RHOBTB3: variants seen among roughly 807,000 people sequenced by gnomAD.
RHOBTB3 encodes the protein Rho related BTB domain containing 3.
In RHOBTB3, 47 loss-of-function variants were observed where a neutral mutation model predicts 67.2. The observed-to-expected ratio is 0.70, with a 90% CI of 0.55 to 0.89. The LOEUF is 0.89. Among genes scored for constraint, RHOBTB3 ranks in the 40% least tolerant of loss-of-function variants. The pLI, the probability that RHOBTB3 is intolerant of heterozygous loss-of-function variation, is 0.00. For missense variants in RHOBTB3, 631 were observed against 750.0 expected, an observed-to-expected ratio of 0.84 and a Z score of 1.85; for synonymous variants, 273 against 274.2, an observed-to-expected ratio of 1.00 and a Z score of 0.04.
chr5:95,750,006 C>T (rs1745043714), intron 4 of RHOBTB3, among the ~76,000 whole-genome samples: 2 of 152,278 alleles, frequency 1.3e-5, no homozygotes, highest in African/African-American at 2.4e-5. Flanking sequence ...AAAGACGTGG[C>T]AGTTTCTTTT....
upstream of RHOBTB3, chr5:95,731,160 C>A (rs1160356721): frequency 9.9e-7 from 1 of 1,011,830 alleles, no homozygotes; most frequent in Non-Finnish European, 1.2e-6. Context: ...CGGGCGGCTC[C>A]TTTGTGTCCA....
At chr5:95,780,988 A>C (rs1290981062) in intron 9 of RHOBTB3, among the ~76,000 whole-genome samples, 2 of 152,216 alleles carry the variant, frequency 1.3e-5, no homozygotes, top group African/African-American at 4.8e-5. Flanking sequence ...TGAGATGTTT[A>C]GAATACCCAG....
intron 8 of RHOBTB3, chr5:95,769,356 CT>C: frequency 2.2e-6 from 1 of 460,140 alleles, no homozygotes; most frequent in South Asian, 1.7e-5. Flanking sequence ...TGCTACTGTA[CT>C]TGCACTCCCT....
chr5:95,791,329 G>A (rs1406359625), intron 11 of RHOBTB3, among the ~76,000 whole-genome samples: 1 of 152,028 alleles, frequency 6.6e-6, no homozygotes, highest in African/African-American at 2.4e-5. Context: ...CACAAACAGC[G>A]GTGCACAGGA....
At chr5:95,782,525 T>C (rs1335156661) in intron 9 of RHOBTB3, 1 of 152,340 alleles carries the variant, frequency 6.6e-6, no homozygotes, top group African/African-American at 2.4e-5. Context: ...GTGGTTAAAA[T>C]GGGCCGGATG....
At chr5:95,778,621 C>T (rs948750123) in intron 8 of RHOBTB3, among the ~76,000 whole-genome samples, 16 of 152,214 alleles carry the variant, frequency 1.1e-4, no homozygotes, top group Admixed American at 3.9e-4. Flanking sequence ...ATCTTAAATC[C>T]CTGTGCTTAA....
At chr5:95,780,122 A>T in intron 8 of RHOBTB3, 130 bp from the exon 9 acceptor site, 1 of 616,176 alleles carries the variant, frequency 1.6e-6, no homozygotes, top group Non-Finnish European at 2.8e-6. Context: ...GGTAGTTATC[A>T]CTCCCAAATT....
At chr5:95,752,098 T>C in intron 4 of RHOBTB3, 141 bp from the exon 5 acceptor site, 1 of 558,016 alleles carries the variant, frequency 1.8e-6, no homozygotes, top group Non-Finnish European at 3.2e-6. Flanking sequence ...ATAAAAACAT[T>C]GTTTATATGT....
chr5:95,766,991 G>A (rs1242213690), intron 7 of RHOBTB3, among the ~76,000 whole-genome samples: 1 of 152,020 alleles, frequency 6.6e-6, no homozygotes, highest in Non-Finnish European at 1.5e-5. Flanking sequence ...GGTCAAGGTA[G>A]GCGGATTGCC....
chr5:95,752,266 A>T lies in RHOBTB3; in HGVS notation c.598A>T (p.Asn200Tyr), dbSNP rs1265344652. ...GGAGTATTTTATGATTCAAGCCTTA[A>T]ATCAGAAGACAAGTGAAAAAATGAA... The part of the protein sequence containing the change: ...VLEYFMIQAL[N>Y]QKTSEKMKKR... Residue 200 changes from asparagine to tyrosine, a missense_variant, in exon 5 of 12, where the codon AAT (asparagine) becomes TAT (tyrosine). Transcript: ENST00000379982. The T allele has an allele frequency of 1.9e-6, 3 of 1,601,226 alleles. No homozygotes were observed. The highest frequency in any genetic ancestry group is 2.6e-6 in the Non-Finnish European group (3 of 1,173,382).
rs1746501453 is a variant in RHOBTB3, at chr5:95,794,118, C to T, written c.*944C>T. On this transcript the variant is annotated 3_prime_UTR_variant, in exon 12 of 12. Coordinates refer to ENST00000379982, the MANE Select transcript of RHOBTB3 (RefSeq NM_014899.4). The stretch of plus-strand genomic sequence containing the variant: ...TGGGGAGGTCTGGACCACCCAGGGC[C>T]TCCACTGCCACCTTGGCTGGCAAGG... The T allele has an allele frequency of 2.3e-6, 1 of 434,426 alleles. No individual in the cohort carries two copies. Among genetic ancestry groups the T allele is most frequent in the African/African-American group, 2.1e-5 (1 of 48,674 alleles). The allele number at this position is 434,426 out of a possible 1,614,324, so 26.9% of individuals were successfully genotyped here. A position where few individuals can be genotyped will look rare whatever the true frequency, so the allele number is the denominator to read the frequency against.
At chr5:95,733,242 T>C (rs1259711453) in intron 2 of RHOBTB3, among the ~76,000 whole-genome samples, 2 of 152,212 alleles carry the variant, frequency 1.3e-5, no homozygotes. Context: ...CTAGTTATGA[T>C]AGTGATGATG....
chr5:95,728,373 C>G (rs964073655), upstream of RHOBTB3, among the ~76,000 whole-genome samples: 40 of 152,280 alleles, frequency 2.6e-4, no homozygotes, highest in Non-Finnish European at 4.7e-4. Context: ...GATGTCTGTC[C>G]AGTTCTTTGA....
rs553064220 is a variant in RHOBTB3 at position 95,755,471 on chromosome 5, G to T, written c.758G>T (p.Cys253Phe). The change falls in exon 6 of 12, where the codon TGT becomes TTT. Residue 253 changes from cysteine to phenylalanine, a missense_variant. By Grantham distance (205) the Cys-to-Phe change is radical. Transcript: ENST00000379982. Reference sequence around the variant, plus strand: ...AATAACTTGCTGTTCTGCTGCCAGTGTGTGGACGTGGTATTTTACAACCCC... The same window carrying T: ...AATAACTTGCTGTTCTGCTGCCAGTTTGTGGACGTGGTATTTTACAACCCC... The part of the protein sequence containing the change: ...DLNNLLFCCQ[C>F]VDVVFYNPNL... 1 of 1,613,800 alleles carries T rather than the reference G, an allele frequency of 6.2e-7. No homozygotes were observed. Among genetic ancestry groups the T allele is most frequent in the African/African-American group, 1.3e-5 (1 of 75,020 alleles).
chr5:95,728,289 T>C (rs959408388), upstream of RHOBTB3, among the ~76,000 whole-genome samples: 2 of 152,202 alleles, frequency 1.3e-5, no homozygotes, highest in African/African-American at 4.8e-5. Context: ...GAAACCTTCA[T>C]GCCAGCACTA....
At chr5:95,777,209 TTAGC>T (rs1745913501) in intron 8 of RHOBTB3, among the ~76,000 whole-genome samples, 1 of 152,252 alleles carries the variant, frequency 6.6e-6, no homozygotes, top group South Asian at 2.1e-4. Context: ...TCTGGTTTAC[TTAGC>T]TAGTACATAT....
chr5:95,767,884 C>A, intron 7 of RHOBTB3, 162 bp from the exon 8 acceptor site: 3 of 751,670 alleles, frequency 4.0e-6, no homozygotes, highest in East Asian at 2.7e-5. Flanking sequence ...CCATACAGTT[C>A]TTAAAGGTAA....
intron 6 of RHOBTB3, chr5:95,756,103 C>T (rs1745239656): frequency 5.0e-6 from 1 of 198,930 alleles, no homozygotes; most frequent in Non-Finnish European, 1.0e-5. Context: ...CATCCGTGTC[C>T]ATAATTCTTT....
At chr5:95,745,210 A>G (rs1744854529) in intron 3 of RHOBTB3, among the ~76,000 whole-genome samples, 1 of 152,154 alleles carries the variant, frequency 6.6e-6, no homozygotes, top group Non-Finnish European at 1.5e-5. Flanking sequence ...AGCTGGAATT[A>G]AGCACACGCC....
Sources: gnomAD v4.1 joint callset for allele counts (sites outside exome capture counted in the v4.1 genomes callset) on GRCh38, gnomAD v4.1.1 for gene constraint, MANE v1.5 for transcripts, NCBI Gene and HGNC (gene_info 2026-07-23, HGNC 2026-07-21) for gene names.